The following ERBB4 variants were observed in gnomAD, a reference collection of about 807,000 sequenced individuals.
The protein encoded by ERBB4 is receptor tyrosine-protein kinase erbB-4.
A neutral mutation model predicts 158.0 loss-of-function variants in ERBB4; 42 were observed. The ratio of observed to expected loss-of-function variants is 0.27; its 90% CI spans 0.21 to 0.34. ERBB4 has a LOEUF of 0.34. Ranked by LOEUF, ERBB4 falls within the 10% of genes least tolerant of loss-of-function variation. The pLI is 1.00. For synonymous variants in ERBB4, 583 were observed against 558.7 expected (o/e 1.04, Z -0.61); for missense variants, 1,333 against 1,624.1 (o/e 0.82, Z 3.08).
chr2:212,099,172 TAAATAAATAAATAATA>T (rs2079013171), intron 2 of ERBB4, among the ~76,000 whole-genome samples: 1 of 129,758 alleles, frequency 7.7e-6, no homozygotes. Flanking sequence ...AATAAATAAA[TAAATAAATAAATAATA>T]AATAATAAAA....
intron 1 of ERBB4, among the ~76,000 whole-genome samples, chr2:212,179,480 A>G (rs1390585717): frequency 6.6e-6 from 1 of 151,540 alleles, no homozygotes; most frequent in Non-Finnish European, 1.5e-5. Flanking sequence ...CTGAAAGAAC[A>G]GGGTAGATAA....
At chr2:212,255,145 G>A (rs2084680122) in intron 1 of ERBB4, among the ~76,000 whole-genome samples, 1 of 152,094 alleles carries the variant, frequency 6.6e-6, no homozygotes, top group Non-Finnish European at 1.5e-5. Flanking sequence ...TGTGCATTAG[G>A]CTGTATACCT....
chr2:211,536,208 TGAAAG>T (rs975976686), intron 20 of ERBB4, among the ~76,000 whole-genome samples: 11 of 152,094 alleles, frequency 7.2e-5, no homozygotes, highest in South Asian at 6.2e-4. Flanking sequence ...ATTTTTCAGC[TGAAAG>T]GAAATTCTTA....
At chr2:211,439,733 T>C (rs1386400347) in intron 20 of ERBB4, among the ~76,000 whole-genome samples, 1 of 152,176 alleles carries the variant, frequency 6.6e-6, no homozygotes, top group Non-Finnish European at 1.5e-5. Context: ...TCAGTTTCCA[T>C]ATACAAAGGA....
At chr2:211,562,223 CAT>C (rs2067415955) in intron 19 of ERBB4, 135 bp from the exon 20 acceptor site, 5 of 741,570 alleles carry the variant, frequency 6.7e-6, no homozygotes, top group Admixed American at 6.6e-5. Flanking sequence ...AATGAAAAGA[CAT>C]AATTTCAGTT....
At chr2:212,229,353 G>A (rs781163798) in intron 1 of ERBB4, among the ~76,000 whole-genome samples, 23 of 152,158 alleles carry the variant, frequency 1.5e-4, no homozygotes, top group Non-Finnish European at 2.9e-4. Flanking sequence ...TCAGAGCTGA[G>A]AAATGGTTGG....
intron 1 of ERBB4, among the ~76,000 whole-genome samples, chr2:212,524,596 G>C (rs114699174): frequency 0.046 from 6,940 of 151,982 alleles, 324 homozygotes; most frequent in African/African-American, 0.11. Context: ...AATTACATGG[G>C]TGATTTTCTC....
intron 17 of ERBB4, 75 bp downstream of exon 17, chr2:211,630,387 A>G: frequency 6.4e-7 from 1 of 1,557,006 alleles, no homozygotes; most frequent in Non-Finnish European, 8.8e-7. Context: ...TGGATTAAAT[A>G]ATTGAACATC....
Position 212,446,606 on chromosome 2 carries a change from T to A in ERBB4, c.82+91843A>T. ...ATATATATATGTATATATATATATA[T>A]ATATATATATATATATATATATATA... is the stretch of plus-strand genomic sequence containing the variant. On this transcript the variant is annotated intron_variant, in intron 1 of 27. Coordinates refer to ENST00000342788, the MANE Select transcript of ERBB4 (RefSeq NM_005235.3). Among the ~76,000 whole-genome samples, 5 of 33,592 alleles carry A rather than the reference T, an allele frequency of 1.5e-4. 2 individuals are homozygous for A. The highest frequency in any genetic ancestry group is 6.0e-4 in the African/African-American group (5 of 8,388). 22.0% of individuals were successfully genotyped at this position (33,592 alleles called of 152,430 possible).
chr2:212,024,803 T>C (rs150162731), intron 2 of ERBB4, among the ~76,000 whole-genome samples: 149 of 151,890 alleles, frequency 9.8e-4, no homozygotes, highest in African/African-American at 3.4e-3. Context: ...AATCCTAAAA[T>C]CTACACTCTA....
chr2:211,760,333 C>T (rs980786921), intron 4 of ERBB4, among the ~76,000 whole-genome samples: 4 of 152,190 alleles, frequency 2.6e-5, no homozygotes, highest in African/African-American at 4.8e-5. Flanking sequence ...ACACATCTAT[C>T]ATATTTGACC....
chr2:212,000,183 G>A (rs186834116), intron 2 of ERBB4, among the ~76,000 whole-genome samples: 23 of 151,606 alleles, frequency 1.5e-4, no homozygotes, highest in African/African-American at 5.6e-4. Context: ...ATATTATTTT[G>A]ATATTCATCA....
At chr2:211,777,820 C>T (rs1053154141) in intron 4 of ERBB4, 14 of 152,108 alleles carry the variant, frequency 9.2e-5, no homozygotes, top group African/African-American at 1.4e-4. Context: ...TCTCTTCTAC[C>T]GTCCTCTTAC....
chr2:211,557,545 A>T (rs925716181), intron 20 of ERBB4, among the ~76,000 whole-genome samples: 3 of 152,240 alleles, frequency 2.0e-5, no homozygotes, highest in Non-Finnish European at 2.9e-5. Context: ...AGAGAAATGC[A>T]AATCAAAACC....
chr2:212,184,735 T>G (rs1371865404), intron 1 of ERBB4, among the ~76,000 whole-genome samples: 1 of 152,188 alleles, frequency 6.6e-6, no homozygotes, highest in Non-Finnish European at 1.5e-5. Flanking sequence ...AATAAAAATG[T>G]AGCATAGAGT....
chr2:212,431,998 C>T (rs114511381), intron 1 of ERBB4, among the ~76,000 whole-genome samples: 158 of 152,216 alleles, frequency 1.0e-3, no homozygotes, highest in Middle Eastern at 6.8e-3. Flanking sequence ...TAATCTCTAC[C>T]AAATCAAGGA....
chr2:212,217,644 A>T (rs1056646150), intron 1 of ERBB4, among the ~76,000 whole-genome samples: 2 of 151,278 alleles, frequency 1.3e-5, no homozygotes, highest in African/African-American at 4.8e-5. Flanking sequence ...ATCTATTGTC[A>T]TCAGAACACA....
At chr2:212,458,347 T>C (rs748805941) in intron 1 of ERBB4, among the ~76,000 whole-genome samples, 2 of 152,012 alleles carry the variant, frequency 1.3e-5, no homozygotes, top group Admixed American at 6.6e-5. Flanking sequence ...GAAAGATATA[T>C]AGAAATCTGT....
At chr2:212,334,713 A>T (rs1379520670) in intron 1 of ERBB4, among the ~76,000 whole-genome samples, 2 of 152,058 alleles carry the variant, frequency 1.3e-5, no homozygotes, top group Non-Finnish European at 2.9e-5. Flanking sequence ...TGAATGAATG[A>T]ACATAAAAAG....
Sources: gnomAD v4.1 joint callset for allele counts (sites outside exome capture counted in the v4.1 genomes callset) on GRCh38, gnomAD v4.1.1 for gene constraint, MANE v1.5 for transcripts, NCBI Gene and HGNC (gene_info 2026-07-23, HGNC 2026-07-21) for gene names.